UBE2U: variants seen among roughly 807,000 people sequenced by gnomAD.
UBE2U encodes ubiquitin-conjugating enzyme E2 U.
UBE2U carries 39 observed loss-of-function variants against 41.2 expected under a neutral mutation model. That is an observed-to-expected ratio of 0.95 (90% confidence interval 0.73 to 1.24). The LOEUF (loss-of-function observed/expected upper bound fraction) is 1.24, where lower values mean the gene tolerates loss of function less well. Among genes scored for constraint, UBE2U ranks in the 50% most tolerant of loss-of-function variants. The pLI is 0.00. For synonymous variants in UBE2U, 107 were observed against 117.8 expected, an observed-to-expected ratio of 0.91 and a Z score of 0.60; for missense variants, 336 against 363.1, an observed-to-expected ratio of 0.93 and a Z score of 0.61.
intron 7 of UBE2U, among the ~76,000 whole-genome samples, chr1:64,239,157 A>AAAGAAGAAGAAGAAGAAGAAGAAGAAG (rs149062313): frequency 2.4e-4 from 9 of 37,068 alleles, no homozygotes; most frequent in East Asian, 2.1e-3. Flanking sequence ...GAAGAAGAAG[A>AAAGAAGAAGAAGAAGAAGAAGAAGAAG]AAGAAGAAGA....
intron 5 of UBE2U, among the ~76,000 whole-genome samples, chr1:64,217,768 G>C (rs1407552882): frequency 6.6e-6 from 1 of 152,084 alleles, no homozygotes; most frequent in Admixed American, 6.5e-5. Flanking sequence ...TTGACATTGA[G>C]TCATAATACT....
intron 4 of UBE2U, among the ~76,000 whole-genome samples, chr1:64,213,374 A>T (rs538380615): frequency 6.6e-6 from 1 of 152,260 alleles, no homozygotes; most frequent in East Asian, 1.9e-4. Context: ...GCAGTTGTTC[A>T]TGTTGTTGTA....
intron 7 of UBE2U, among the ~76,000 whole-genome samples, chr1:64,240,904 AT>A (rs1644824583): frequency 6.6e-6 from 1 of 151,940 alleles, no homozygotes; most frequent in Admixed American, 6.6e-5. Flanking sequence ...TAATTTTTGT[AT>A]TTTTAGTGGA....
Position 64,267,199 on chromosome 1 carries a change from A to C in UBE2U, c.945A>C (p.Ser315=). Residue 315 remains serine, a synonymous_variant, in exon 10 of 10, where the codon TCA becomes TCC. Transcript: ENST00000371077. Reference sequence around the variant, plus strand: ...CCAATACTCTCAATACAAATACTTCAGAAGATTAAGCAGAACATTATCAGA... The same window carrying C: ...CCAATACTCTCAATACAAATACTTCCGAAGATTAAGCAGAACATTATCAGA... ...SWTNTLNTNT[S]ED The C allele has an allele frequency of 6.6e-7, 1 of 1,523,654 alleles. No homozygotes were observed. The highest frequency in any genetic ancestry group is 8.8e-7 in the Non-Finnish European group (1 of 1,137,940). 94.4% of individuals were successfully genotyped at this position (1,523,654 alleles called of 1,614,324 possible).
intron 8 of UBE2U, among the ~76,000 whole-genome samples, chr1:64,243,013 C>T (rs1428654274): frequency 1.3e-5 from 2 of 152,068 alleles, no homozygotes; most frequent in African/African-American, 2.4e-5. Context: ...AAAGTAGAAC[C>T]GTGTCATTTT....
chr1:64,219,545 T>G (rs571502530), intron 5 of UBE2U, among the ~76,000 whole-genome samples: 23 of 152,220 alleles, frequency 1.5e-4, no homozygotes, highest in African/African-American at 4.6e-4. Context: ...CTTCTAGATC[T>G]GCTCTGATTT....
At chr1:64,247,438 T>C (rs1644939495) in intron 8 of UBE2U, among the ~76,000 whole-genome samples, 1 of 152,028 alleles carries the variant, frequency 6.6e-6, no homozygotes, top group Non-Finnish European at 1.5e-5. Context: ...TGTTGGAAAA[T>C]AGGAGGTGTT....
chr1:64,237,761 G>A (rs1231710565), intron 7 of UBE2U, among the ~76,000 whole-genome samples: 1 of 152,128 alleles, frequency 6.6e-6, no homozygotes, highest in Non-Finnish European at 1.5e-5. Context: ...AGATGATGGA[G>A]AAAGCAATGA....
At position 64,256,422 on chromosome 1, in the gene UBE2U, C is replaced by T. The variant is rs529548601; in HGVS notation, c.678-4181C>T. ...CATGATACTAGTACAAGAACAGAGA[C>T]ATAGACCAATGGAACAGAATAGAGA... On this transcript the variant is annotated intron_variant, in intron 8 of 9. Transcript: ENST00000371077. 3.9e-5 allele frequency among the ~76,000 whole-genome samples: 6 copies of T among 152,180 alleles called. No homozygotes were observed. The South Asian group carries it at 1.0e-3, about 26-fold the overall frequency.
intron 9 of UBE2U, among the ~76,000 whole-genome samples, chr1:64,262,055 G>A (rs1434837591): frequency 6.6e-6 from 1 of 152,110 alleles, no homozygotes; most frequent in Non-Finnish European, 1.5e-5. Context: ...CACTAAGCTA[G>A]TGGGTCATGA....
chr1:64,257,199 G>T (rs1187688292), intron 8 of UBE2U, among the ~76,000 whole-genome samples: 2 of 152,190 alleles, frequency 1.3e-5, no homozygotes, highest in African/African-American at 4.8e-5. Flanking sequence ...GGAAGACAGT[G>T]TGGTGATTCC....
intron 7 of UBE2U, among the ~76,000 whole-genome samples, chr1:64,239,527 C>T (rs1423056232): frequency 8.6e-6 from 1 of 116,476 alleles, no homozygotes; most frequent in Non-Finnish European, 1.7e-5. Flanking sequence ...CCTCCCCCCA[C>T]CCCACGACAG....
chr1:64,253,160 T>G (rs1645038362), intron 8 of UBE2U, among the ~76,000 whole-genome samples: 1 of 152,132 alleles, frequency 6.6e-6, no homozygotes, highest in Non-Finnish European at 1.5e-5. Flanking sequence ...GAGGGTAGAA[T>G]TTCAGAGCTT....
chr1:64,210,892 T>G (rs1231185671), intron 4 of UBE2U, 53 bp downstream of exon 4: 4 of 1,283,218 alleles, frequency 3.1e-6, no homozygotes, highest in African/African-American at 1.5e-5. Context: ...TTACCCTAAT[T>G]ATTCAAACTA....
At chr1:64,236,236 A>G (rs1318911527) in intron 7 of UBE2U, among the ~76,000 whole-genome samples, 1 of 152,194 alleles carries the variant, frequency 6.6e-6, no homozygotes, top group Non-Finnish European at 1.5e-5. Context: ...TAAGTTCTCA[A>G]TAAGTGTGTT....
intron 9 of UBE2U, among the ~76,000 whole-genome samples, chr1:64,265,724 T>C (rs1247289821): frequency 6.6e-6 from 1 of 152,078 alleles, no homozygotes; most frequent in Non-Finnish European, 1.5e-5. Flanking sequence ...GATTACAGGC[T>C]CCTGCCACCA....
chr1:64,204,442 G>A (rs979537198), intron 1 of UBE2U, among the ~76,000 whole-genome samples: 1 of 152,118 alleles, frequency 6.6e-6, no homozygotes, highest in Non-Finnish European at 1.5e-5. Flanking sequence ...TATACAATAA[G>A]TAGTATTTCA....
At position 64,239,181 on chromosome 1, in the gene UBE2U, G is replaced by GA. The variant is rs1258119918; in HGVS notation, c.596-2469dup. ...GAAAGAAGAAGAAGAAGAAGAAGAA[G>GA]AAGAAGAAGAAAGCCCCAGACAAGG... is the stretch of plus-strand genomic sequence containing the variant. On this transcript the variant is annotated intron_variant, in intron 7 of 9. Transcript: ENST00000371077. Among the ~76,000 whole-genome samples, 15 of 134,716 alleles carry GA rather than the reference G, an allele frequency of 1.1e-4. No individual in the cohort carries two copies. The East Asian group carries it at 1.8e-3, about 17-fold the overall frequency. The allele number at this position is 134,716 out of a possible 152,430, so 88.4% of individuals were successfully genotyped here. A position where few individuals can be genotyped will look rare whatever the true frequency, so the allele number is the denominator to read the frequency against.
At chr1:64,215,870 T>C (rs761284198) in intron 5 of UBE2U, among the ~76,000 whole-genome samples, 7 of 152,158 alleles carry the variant, frequency 4.6e-5, no homozygotes, top group Non-Finnish European at 1.0e-4. Flanking sequence ...TGGCTTCTTG[T>C]GCACAGAAGG....
Sources: gnomAD v4.1 joint callset for allele counts (sites outside exome capture counted in the v4.1 genomes callset) on GRCh38, gnomAD v4.1.1 for gene constraint, MANE v1.5 for transcripts, NCBI Gene and HGNC (gene_info 2026-07-23, HGNC 2026-07-21) for gene names.